SLF1: variants seen among roughly 807,000 people sequenced by gnomAD.
The protein encoded by SLF1 is SMC5-SMC6 complex localization factor protein 1.
A neutral mutation model predicts 123.0 loss-of-function variants in SLF1; 105 were observed. The ratio of observed to expected loss-of-function variants is 0.85; its 90% CI spans 0.73 to 1.00. The LOEUF (loss-of-function observed/expected upper bound fraction) is 1.00. Ranked by LOEUF, SLF1 falls within the 50% of genes least tolerant of loss-of-function variation. The probability of loss-of-function intolerance (pLI) is 0.00; values close to 1 mark genes in which losing one functional copy is unlikely to be tolerated. For synonymous variants in SLF1, 434 were observed against 406.6 expected, an observed-to-expected ratio of 1.07 and a Z score of -0.81; for missense variants, 1,239 against 1,223.0, an observed-to-expected ratio of 1.01 and a Z score of -0.20.
intron 12 of SLF1, among the ~76,000 whole-genome samples, chr5:94,668,083 C>T (rs529305073): frequency 1.3e-5 from 2 of 151,874 alleles, no homozygotes; most frequent in Non-Finnish European, 2.9e-5. Flanking sequence ...TCTCTCCTCT[C>T]TCCTCTCCTC....
chr5:94,632,126 T>A (rs1745275469), intron 4 of SLF1, among the ~76,000 whole-genome samples: 1 of 152,126 alleles, frequency 6.6e-6, no homozygotes, highest in African/African-American at 2.4e-5. Flanking sequence ...AGTACCATTT[T>A]ATATTCCCAG....
chr5:94,678,862 GATT>G lies in SLF1; in HGVS notation c.1886_1888del (p.Tyr629del). ...GGCTGGAATTCTTGGAGCAGCAATA[GATT>G]ATTGGATTTTCCTTGGTCTTAAGAT... is the stretch of plus-strand genomic sequence containing the variant. On this transcript the variant is annotated inframe_deletion, in exon 15 of 21. Transcript: ENST00000265140. 6.2e-7 allele frequency: 1 copy of G among 1,613,712 alleles called. No homozygotes were observed. Among genetic ancestry groups the G allele is most frequent in the Non-Finnish European group, 8.5e-7 (1 of 1,179,774 alleles).
intron 4 of SLF1, among the ~76,000 whole-genome samples, chr5:94,632,491 A>G (rs997964822): frequency 6.6e-6 from 1 of 152,206 alleles, no homozygotes; most frequent in Non-Finnish European, 1.5e-5. Flanking sequence ...GAGTCTTCCT[A>G]TTAGTGAACT....
chr5:94,681,548 C>T (rs1284047072), intron 15 of SLF1, among the ~76,000 whole-genome samples: 1 of 152,016 alleles, frequency 6.6e-6, no homozygotes, highest in Non-Finnish European at 1.5e-5. Flanking sequence ...GCACAATGTG[C>T]AGGTAAGTTA....
At chr5:94,636,075 GT>G (rs1006708627) in intron 4 of SLF1, among the ~76,000 whole-genome samples, 31 of 152,104 alleles carry the variant, frequency 2.0e-4, no homozygotes, top group Admixed American at 2.0e-3. Context: ...GGTATTGGCA[GT>G]TTTTTTCCTT....
intron 1 of SLF1, among the ~76,000 whole-genome samples, chr5:94,626,621 A>T (rs990964327): frequency 6.6e-6 from 1 of 152,172 alleles, no homozygotes; most frequent in South Asian, 2.1e-4. Context: ...ATTGTTTTGA[A>T]GGAGATGATG....
chr5:94,631,844 G>A (rs1488404495), intron 4 of SLF1, among the ~76,000 whole-genome samples: 1 of 152,198 alleles, frequency 6.6e-6, no homozygotes, highest in African/African-American at 2.4e-5. Context: ...GCCAGGCATA[G>A]TGGCTCAGGT....
intron 20 of SLF1, among the ~76,000 whole-genome samples, chr5:94,693,733 A>G (rs1223353708): frequency 2.7e-5 from 4 of 150,218 alleles, no homozygotes; most frequent in Non-Finnish European, 4.4e-5. Flanking sequence ...TACTTTTGGT[A>G]TCCTGTGTCC....
At chr5:94,662,413 AG>A in intron 10 of SLF1, 62 bp downstream of exon 10, 3 of 1,394,458 alleles carry the variant, frequency 2.2e-6, no homozygotes, top group Non-Finnish European at 1.9e-6. Flanking sequence ...TTTTGTTATT[AG>A]TTATTTTGAA....
chr5:94,618,565 C>T (rs1002351065), upstream of SLF1: 2 of 153,912 alleles, frequency 1.3e-5, no homozygotes, highest in Non-Finnish European at 1.5e-5. Flanking sequence ...AAGCTCTGCA[C>T]CAGGTATTAC....
chr5:94,648,820 A>G (rs1487036107), intron 5 of SLF1, among the ~76,000 whole-genome samples: 1 of 152,198 alleles, frequency 6.6e-6, no homozygotes, highest in African/African-American at 2.4e-5. Context: ...ACTGTCATGA[A>G]CTTTTACTCC....
intron 1 of SLF1, among the ~76,000 whole-genome samples, 168 bp from the exon 2 acceptor site, chr5:94,628,643 A>G (rs921650392): frequency 7.2e-5 from 11 of 152,226 alleles, no homozygotes; most frequent in African/African-American, 2.4e-4. Flanking sequence ...ACTAGTTTCT[A>G]TCGTATATAA....
At chr5:94,636,931 G>A (rs1745874603) in intron 4 of SLF1, among the ~76,000 whole-genome samples, 1 of 152,022 alleles carries the variant, frequency 6.6e-6, no homozygotes, top group Admixed American at 6.5e-5. Context: ...TGTTGGCCAG[G>A]TTGGTTTTAA....
chr5:94,667,881 T>C (rs1749989616), intron 12 of SLF1, among the ~76,000 whole-genome samples: 1 of 152,000 alleles, frequency 6.6e-6, no homozygotes, highest in Admixed American at 6.5e-5. Flanking sequence ...CCTGAATAGC[T>C]GGGACTACAG....
chr5:94,627,663 T>C (rs1029681390), intron 1 of SLF1, among the ~76,000 whole-genome samples: 1 of 144,278 alleles, frequency 6.9e-6, no homozygotes, highest in Non-Finnish European at 1.5e-5. Context: ...TCTAGGATTA[T>C]TATGTGTACC....
At chr5:94,693,610 G>T (rs1437712261) in intron 20 of SLF1, among the ~76,000 whole-genome samples, 1 of 151,928 alleles carries the variant, frequency 6.6e-6, no homozygotes, top group East Asian at 1.9e-4. Flanking sequence ...GTTTGGACCT[G>T]TCAAGTGGTT....
Position 94,691,610 on chromosome 5 carries a change from A to T in SLF1, c.2466A>T (p.Lys822Asn), listed in dbSNP as rs1421575427. 2 of 1,611,830 alleles carry T rather than the reference A, an allele frequency of 1.2e-6. No individual in the cohort carries two copies. The highest frequency in any genetic ancestry group is 1.7e-6 in the Non-Finnish European group (2 of 1,179,418). ...CTTGCATAAATAACCAAGTGGAGAA[A>T]TTGATTCTTCTTCTCTCTTTGCCAG... ...HRACINNQVE[K>N]LILLLSLPGI... Residue 822 changes from lysine to asparagine, a missense_variant, in exon 19 of 21, where the codon AAA (lysine) becomes AAT (asparagine). Lys to Asn is a moderately conservative substitution (Grantham distance 94, BLOSUM62 0). Transcript: ENST00000265140.
intron 16 of SLF1, among the ~76,000 whole-genome samples, chr5:94,686,942 A>G (rs1176533208): frequency 1.3e-5 from 2 of 152,058 alleles, no homozygotes; most frequent in Non-Finnish European, 1.5e-5. Flanking sequence ...GCCCACCACC[A>G]TACCCAGCTA....
chr5:94,695,168 T>C lies in SLF1; in HGVS notation c.3033T>C (p.Tyr1011=), dbSNP rs747693115. 2.5e-6 allele frequency: 4 copies of C among 1,612,858 alleles called. No individual in the cohort carries two copies. The South Asian group carries it at 4.4e-5, about 18-fold the overall frequency. The change falls in exon 21 of 21, where the codon TAT becomes TAC. Residue 1011 remains tyrosine, a synonymous_variant. Transcript: ENST00000265140. The part of the protein sequence containing the change: ...SVHTDWLLDL[Y]AGNIKTLQKL... The stretch of plus-strand genomic sequence containing the variant: ...ATACTGACTGGTTACTGGATCTTTA[T>C]GCTGGAAATATAAAGACATTGCAGA...
Sources: gnomAD v4.1 joint callset for allele counts (sites outside exome capture counted in the v4.1 genomes callset) on GRCh38, gnomAD v4.1.1 for gene constraint, MANE v1.5 for transcripts, NCBI Gene and HGNC (gene_info 2026-07-23, HGNC 2026-07-21) for gene names.